Variants in CNTNAP3B observed in about 807,000 individuals in gnomAD.
CNTNAP3B encodes the protein contactin-associated protein-like 3B.
A neutral mutation model predicts 108.9 loss-of-function variants in CNTNAP3B; 25 were observed. The ratio of observed to expected loss-of-function variants is 0.23; its 90% confidence interval spans 0.17 to 0.32. The LOEUF is 0.32. CNTNAP3B is among the 10% of genes least tolerant of loss of function. CNTNAP3B has a pLI of 1.00. For synonymous variants in CNTNAP3B, 103 were observed against 473.4 expected (o/e 0.22, Z 10.16); for missense variants, 252 against 1,210.4 (o/e 0.21, Z 11.75).
chr9:42,070,374 A>C (rs1325483537), intron 3 of CNTNAP3B, among the ~76,000 whole-genome samples: 13 of 150,052 alleles, frequency 8.7e-5, no homozygotes, highest in African/African-American at 3.2e-4. Flanking sequence ...CAGAGGCTGA[A>C]TGAAGGCCGA....
At chr9:42,123,477 T>C (rs1251179904) in intron 1 of CNTNAP3B, among the ~76,000 whole-genome samples, 1 of 129,152 alleles carries the variant, frequency 7.7e-6, no homozygotes, top group Non-Finnish European at 1.6e-5. Flanking sequence ...CAAAGACTAA[T>C]TCAACTGTTT....
At position 41,932,352 on chromosome 9, in the gene CNTNAP3B, C is replaced by T. The variant is rs1440928813; in HGVS notation, c.2238-2908G>A. Among the ~76,000 whole-genome samples, 38 of 151,918 alleles carry T rather than the reference C, an allele frequency of 2.5e-4. 1 individual carries two copies. Among genetic ancestry groups the T allele is most frequent in the Admixed American group, 6.6e-4 (10 of 15,254 alleles). On this transcript the variant is annotated intron_variant, in intron 14 of 23. Transcript: ENST00000377561. The stretch of plus-strand genomic sequence containing the variant: ...AATTTTTATTTATTAGAAATTCCTA[C>T]GGTTCTGGAAATTGTACTTTCCTAG...
chr9:42,012,621 T>A (rs1457228380), intron 4 of CNTNAP3B, among the ~76,000 whole-genome samples: 1 of 132,158 alleles, frequency 7.6e-6, no homozygotes, highest in East Asian at 2.4e-4. Context: ...GACATTTCCA[T>A]CCAGACTGCT....
rs867200439 is a variant in CNTNAP3B, at chr9:42,120,823, G to A, written c.85+8187C>T. On this transcript the variant is annotated intron_variant, in intron 1 of 23. Coordinates refer to ENST00000377561, the MANE Select transcript of CNTNAP3B (RefSeq NM_001201380.3). ...AACACTACACAACGGGGACTGTCGC[G>A]GGGTGGGGGGAGGGGGGAGGGATAG... 6.3e-4 allele frequency among the ~76,000 whole-genome samples: 60 copies of A among 94,848 alleles called. 3 individuals carry two copies. The highest frequency in any genetic ancestry group is 2.0e-3 in the African/African-American group (43 of 21,254). 62.2% of individuals were successfully genotyped at this position (94,848 alleles called of 152,430 possible).
intron 14 of CNTNAP3B, among the ~76,000 whole-genome samples, chr9:41,933,595 G>C (rs1824046868): frequency 1.3e-5 from 2 of 152,276 alleles, no homozygotes; most frequent in African/African-American, 2.4e-5. Context: ...AGAAATTCAA[G>C]TAATTCCTCA....
chr9:42,024,857 A>T (rs936463771), intron 3 of CNTNAP3B, among the ~76,000 whole-genome samples: 2 of 144,210 alleles, frequency 1.4e-5, no homozygotes, highest in African/African-American at 5.3e-5. Context: ...GAAGCTAATA[A>T]AGCTTCAGAC....
chr9:41,934,140 T>TACACACACATATATATATAC (rs1824076739), intron 14 of CNTNAP3B, among the ~76,000 whole-genome samples: 1 of 113,400 alleles, frequency 8.8e-6, no homozygotes, highest in Admixed American at 9.3e-5. Context: ...CATATATATA[T>TACACACACATATATATATAC]ACACACACAT....
At chr9:41,925,057 T>G (rs1422255455) in intron 15 of CNTNAP3B, among the ~76,000 whole-genome samples, 1 of 152,068 alleles carries the variant, frequency 6.6e-6, no homozygotes, top group Non-Finnish European at 1.5e-5. Flanking sequence ...TTCAACTGCC[T>G]TGTAAAGTGG....
chr9:41,954,530 A>G (rs1251897464), intron 12 of CNTNAP3B, among the ~76,000 whole-genome samples: 3 of 152,416 alleles, frequency 2.0e-5, no homozygotes, highest in Admixed American at 1.3e-4. Flanking sequence ...ACAGAAAAAA[A>G]TCTGCAAATT....
At chr9:41,935,762 G>A (rs1481077306) in intron 14 of CNTNAP3B, among the ~76,000 whole-genome samples, 1 of 152,280 alleles carries the variant, frequency 6.6e-6, no homozygotes, top group Non-Finnish European at 1.5e-5. Context: ...ACTCCACAAT[G>A]CTCCCTTCTG....
chr9:42,086,168 CA>C, intron 2 of CNTNAP3B, among the ~76,000 whole-genome samples: 1 of 142,136 alleles, frequency 7.0e-6, no homozygotes, highest in Non-Finnish European at 1.5e-5. Flanking sequence ...GATTATCAAG[CA>C]AAAGGGGGTC....
chr9:41,964,805 A>T (rs1485079099), intron 10 of CNTNAP3B, among the ~76,000 whole-genome samples, 161 bp from the exon 11 acceptor site: 2 of 152,252 alleles, frequency 1.3e-5, no homozygotes, highest in Non-Finnish European at 2.9e-5. Context: ...ATATTGACAA[A>T]CTTTAGATAA....
chr9:41,942,535 C>T (rs78650096), intron 13 of CNTNAP3B, among the ~76,000 whole-genome samples: 6 of 150,996 alleles, frequency 4.0e-5, no homozygotes, highest in Middle Eastern at 3.4e-3. Flanking sequence ...GGCGTGAACC[C>T]GGGAGACGGA....
chr9:42,112,176 G>A lies in CNTNAP3B; in HGVS notation c.86-7437C>T, dbSNP rs567197145. 5.7e-5 allele frequency among the ~76,000 whole-genome samples: 8 copies of A among 140,042 alleles called. 1 individual carries two copies. Among genetic ancestry groups the A allele is most frequent in the South Asian group, 2.3e-4 (1 of 4,368 alleles). The allele number at this position is 140,042 out of a possible 152,430, so 91.9% of individuals were successfully genotyped here. On this transcript the variant is annotated intron_variant, in intron 1 of 23. Transcript: ENST00000377561. ...ACCAATGCTCCTTGACCGCTCACCC[G>A]ATGACATTGCAGCCCCTGCTGTCTG...
At chr9:41,956,051 T>C (rs1587142367) in intron 12 of CNTNAP3B, among the ~76,000 whole-genome samples, 1 of 152,366 alleles carries the variant, frequency 6.6e-6, no homozygotes, top group East Asian at 1.9e-4. Flanking sequence ...ATATCTCATG[T>C]CATTTATTAA....
intron 14 of CNTNAP3B, among the ~76,000 whole-genome samples, chr9:41,930,706 C>G (rs1456602387): frequency 1.3e-5 from 2 of 152,292 alleles, no homozygotes; most frequent in African/African-American, 4.8e-5. Context: ...AATTATGTGA[C>G]TGGGAAAATA....
At chr9:41,957,799 C>T (rs569248660) in intron 12 of CNTNAP3B, among the ~76,000 whole-genome samples, 53 of 152,396 alleles carry the variant, frequency 3.5e-4, no homozygotes, top group African/African-American at 1.2e-3. Context: ...CTCGCTCTGT[C>T]ACCCAGGCTG....
chr9:42,093,066 G>T lies in CNTNAP3B; in HGVS notation c.196+11563C>A, dbSNP rs1240056713. On this transcript the variant is annotated intron_variant, in intron 2 of 23. Coordinates refer to ENST00000377561, the MANE Select transcript of CNTNAP3B (RefSeq NM_001201380.3). ...ACTCCCACTGTTGATACTACTAATT[G>T]CCGGGCGCGGTGGCTCACACCTGTA... is the stretch of plus-strand genomic sequence containing the variant. Among the ~76,000 whole-genome samples, 4 of 96,082 alleles carry T rather than the reference G, an allele frequency of 4.2e-5. 2 individuals carry two copies. In the Admixed American group the frequency reaches 4.4e-4, roughly 11 times the overall value. The allele number at this position is 96,082 out of a possible 152,430, so 63.0% of individuals were successfully genotyped here.
chr9:41,927,411 A>G (rs1330189352), intron 15 of CNTNAP3B, among the ~76,000 whole-genome samples: 1 of 149,284 alleles, frequency 6.7e-6, no homozygotes, highest in African/African-American at 2.5e-5. Flanking sequence ...GACAGGAAAG[A>G]AAGAAAGAAA....
Sources: allele counts gnomAD v4.1 joint callset (sites outside exome capture counted in the v4.1 genomes callset), GRCh38; gene constraint gnomAD v4.1.1; transcripts MANE v1.5; gene names NCBI Gene and HGNC (gene_info 2026-07-23, HGNC 2026-07-21).